The following ULK4 variants were observed in gnomAD, a reference collection of about 807,000 sequenced individuals.
ULK4 encodes the protein inactive serine/threonine-protein kinase ULK4.
ULK4 carries 133 observed loss-of-function variants against 160.6 expected under a neutral mutation model. The ratio of observed to expected loss-of-function variants is 0.83; its 90% CI spans 0.72 to 0.96. ULK4 has a LOEUF of 0.96. Ranked by LOEUF, ULK4 falls within the 40% of genes least tolerant of loss-of-function variation. The probability of loss-of-function intolerance (pLI) is 0.00; values close to 1 mark genes in which losing one functional copy is unlikely to be tolerated. For missense variants in ULK4, 1,580 were observed against 1,499.5 expected, an observed-to-expected ratio of 1.05 and a Z score of -0.89; for synonymous variants, 534 against 539.8, an observed-to-expected ratio of 0.99 and a Z score of 0.15.
chr3:41,735,808 A>G (rs2038017839), intron 22 of ULK4, among the ~76,000 whole-genome samples: 2 of 150,176 alleles, frequency 1.3e-5, no homozygotes, highest in African/African-American at 4.9e-5. Context: ...TTAACTGGTC[A>G]TTAGGTATAT....
intron 35 of ULK4, among the ~76,000 whole-genome samples, chr3:41,300,838 T>A (rs1317136823): frequency 1.0e-4 from 1 of 9,776 alleles, no homozygotes; most frequent in South Asian, 3.5e-3. Flanking sequence ...TTTTACAGAT[T>A]ATATATATAT....
chr3:41,298,724 G>A lies in ULK4; in HGVS notation c.3679-49150C>T, dbSNP rs74575085. ...TCAAGTCATAGAGAGTCAAACAGAA[G>A]AGATATTCAAAATCTTTAAGAAGCT... On this transcript the variant is annotated intron_variant, in intron 35 of 36. Transcript: ENST00000301831. Among the ~76,000 whole-genome samples the A allele has an allele frequency of 4.1e-3, 617 of 152,276 alleles. 3 individuals carry two copies. Among genetic ancestry groups the A allele is most frequent in the African/African-American group, 0.014 (592 of 41,542 alleles).
At chr3:41,873,442 C>T (rs1476450110) in intron 17 of ULK4, among the ~76,000 whole-genome samples, 1 of 152,044 alleles carries the variant, frequency 6.6e-6, no homozygotes, top group Admixed American at 6.6e-5. Context: ...TTAGCTGCCG[C>T]CATTTCTGAC....
chr3:41,697,295 G>C (rs1470018102), intron 27 of ULK4, among the ~76,000 whole-genome samples: 2 of 152,110 alleles, frequency 1.3e-5, no homozygotes, highest in African/African-American at 4.8e-5. Flanking sequence ...TGATGGAGCT[G>C]AAAAATTCCT....
chr3:41,279,280 A>C lies in ULK4; in HGVS notation c.3679-29706T>G, dbSNP rs1372297743. Among the ~76,000 whole-genome samples the C allele has an allele frequency of 6.8e-5, 10 of 147,962 alleles. No individual in the cohort carries two copies. The East Asian group carries it at 1.2e-3, about 18-fold the overall frequency. On this transcript the variant is annotated intron_variant, in intron 35 of 36. Coordinates refer to ENST00000301831, the MANE Select transcript of ULK4 (RefSeq NM_017886.4). ...TAAAAAAAAAAAAAAAAAAAACAAA[A>C]CGACAAAGCCTCCAAGAAATATGAG...
Position 41,611,174 on chromosome 3 carries a change from G to A in ULK4, c.3120+4495C>T, listed in dbSNP as rs541570988. Reference sequence around the variant, plus strand: ...GCAGACTGCCTTAGTGCGGTACACCGTGAAGACTGTACGTACTATAATACA... The same window carrying A: ...GCAGACTGCCTTAGTGCGGTACACCATGAAGACTGTACGTACTATAATACA... On this transcript the variant is annotated intron_variant, in intron 31 of 36. Coordinates refer to ENST00000301831, the MANE Select transcript of ULK4 (RefSeq NM_017886.4). 2.6e-4 allele frequency among the ~76,000 whole-genome samples: 39 copies of A among 152,306 alleles called. No individual in the cohort carries two copies. In the South Asian group the frequency reaches 7.0e-3, roughly 28 times the overall value.
chr3:41,567,443 ATTTT>A (rs71288055), intron 31 of ULK4, among the ~76,000 whole-genome samples: 3 of 90,312 alleles, frequency 3.3e-5, no homozygotes, highest in Non-Finnish European at 2.1e-5. Context: ...CACTTAACAG[ATTTT>A]TTTTTTTTTT....
chr3:41,589,292 C>T (rs9311285), intron 31 of ULK4, among the ~76,000 whole-genome samples: 85,389 of 151,570 alleles, frequency 0.56, 24,863 homozygotes, highest in African/African-American at 0.73. Flanking sequence ...AGAAGGCAAA[C>T]AGAGTTTGAG....
chr3:41,911,207 A>C, intron 11 of ULK4, 110 bp downstream of exon 11: 1 of 1,063,712 alleles, frequency 9.4e-7, no homozygotes, highest in Admixed American at 2.5e-5. Flanking sequence ...TTTGGCACTA[A>C]AATTCCTGTT....
intron 32 of ULK4, among the ~76,000 whole-genome samples, chr3:41,536,197 T>C (rs1270866025): frequency 6.6e-6 from 1 of 152,156 alleles, no homozygotes; most frequent in Non-Finnish European, 1.5e-5. Flanking sequence ...TCCCAGTCTA[T>C]CTGAAACTGC....
intron 5 of ULK4, among the ~76,000 whole-genome samples, chr3:41,931,044 C>A (rs544964889): frequency 6.6e-6 from 1 of 152,122 alleles, no homozygotes; most frequent in Non-Finnish European, 1.5e-5. Context: ...ATGTTTATTG[C>A]GGCACTATTC....
At chr3:41,508,443 C>G (rs1006341397) in intron 32 of ULK4, among the ~76,000 whole-genome samples, 22 of 152,118 alleles carry the variant, frequency 1.4e-4, no homozygotes, top group African/African-American at 5.3e-4. Context: ...CCTGGCAACC[C>G]TAAGGCAAAT....
rs541721843 is a variant in ULK4 at position 41,663,359 on chromosome 3, AAG to A, written c.3071+246_3071+247del. ...GTACATATATTGTTTCATCTCTTAAAAGAAGTTATCATTTTAAAGCAGCATGC... is the reference window on the plus strand; with the variant it reads ...GTACATATATTGTTTCATCTCTTAAAAAGTTATCATTTTAAAGCAGCATGC... On this transcript the variant is annotated intron_variant, in intron 30 of 36. Transcript: ENST00000301831. 4.8e-4 allele frequency among the ~76,000 whole-genome samples: 73 copies of A among 152,330 alleles called. 2 individuals are homozygous for A. In the South Asian group the frequency reaches 0.015, roughly 31 times the overall value.
At position 41,706,867 on chromosome 3, in the gene ULK4, G is replaced by A. The variant is rs998877793; in HGVS notation, c.2635-1562C>T. ...AAAAAATATGTGTGTGTGTGTGTGT[G>A]TGTGTGTGTGTGTGTGTGTGTGTAT... On this transcript the variant is annotated intron_variant, in intron 25 of 36. Coordinates refer to ENST00000301831, the MANE Select transcript of ULK4 (RefSeq NM_017886.4). 8.7e-5 allele frequency among the ~76,000 whole-genome samples: 11 copies of A among 126,644 alleles called. 1 individual carries two copies. The highest frequency in any genetic ancestry group is 6.4e-4 in the Admixed American group (9 of 14,016). The allele number at this position is 126,644 out of a possible 152,430, so 83.1% of individuals were successfully genotyped here.
chr3:41,820,583 CACAG>C (rs1410449579), intron 18 of ULK4, among the ~76,000 whole-genome samples: 2 of 151,988 alleles, frequency 1.3e-5, no homozygotes, highest in Non-Finnish European at 2.9e-5. Context: ...CATGAATACA[CACAG>C]ACAGAAGATA....
intron 29 of ULK4, among the ~76,000 whole-genome samples, chr3:41,680,223 A>G (rs1226212988): frequency 2.0e-5 from 3 of 152,244 alleles, no homozygotes; most frequent in Non-Finnish European, 4.4e-5. Flanking sequence ...AATGTAACTG[A>G]AAAGGTACCT....
At chr3:41,901,703 C>A (rs1378930849) in intron 12 of ULK4, among the ~76,000 whole-genome samples, 2 of 150,158 alleles carry the variant, frequency 1.3e-5, no homozygotes, top group African/African-American at 4.9e-5. Flanking sequence ...TGGTCTCGAA[C>A]TCCTGGTCTC....
intron 35 of ULK4, among the ~76,000 whole-genome samples, chr3:41,350,631 C>T (rs983980590): frequency 6.6e-6 from 1 of 152,142 alleles, no homozygotes; most frequent in Non-Finnish European, 1.5e-5. Flanking sequence ...AGTGAACTCA[C>T]GGTTTACTCT....
chr3:41,264,643 GAA>G (rs553248003), intron 35 of ULK4, among the ~76,000 whole-genome samples: 11 of 152,114 alleles, frequency 7.2e-5, no homozygotes, highest in African/African-American at 2.2e-4. Context: ...CAAAGAAGGG[GAA>G]AAAAAGAGTT....
Sources: allele counts gnomAD v4.1 joint callset (sites outside exome capture counted in the v4.1 genomes callset), GRCh38; gene constraint gnomAD v4.1.1; transcripts MANE v1.5; gene names NCBI Gene and HGNC (gene_info 2026-07-23, HGNC 2026-07-21).